Variants in CEP68 observed in about 807,000 individuals in gnomAD.
CEP68 encodes centrosomal protein 68.
Under a neutral mutation model 55.3 loss-of-function variants are expected in CEP68, and 26 were observed. That is an observed-to-expected ratio of 0.47 (90% CI 0.34 to 0.65). The LOEUF is 0.65. CEP68 is among the 30% of genes least tolerant of loss of function. The probability of loss-of-function intolerance (pLI) is 0.01; values close to 1 mark genes in which losing one functional copy is unlikely to be tolerated. For synonymous variants in CEP68, 402 were observed against 383.2 expected, an observed-to-expected ratio of 1.05 and a Z score of -0.57; for missense variants, 957 against 946.7, an observed-to-expected ratio of 1.01 and a Z score of -0.14.
At position 65,084,252 on chromosome 2, in the gene CEP68, T is replaced by G. The variant is rs1204114559; in HGVS notation, c.*618T>G. On this transcript the variant is annotated 3_prime_UTR_variant, in exon 7 of 7. Coordinates refer to ENST00000377990, the MANE Select transcript of CEP68 (RefSeq NM_015147.3). ...CTTCAGGGCTTACGTCTTTACTTTCTTGGCTAACCAGTTTCTTAGAAGAAA... is the reference window on the plus strand; with the variant it reads ...CTTCAGGGCTTACGTCTTTACTTTCGTGGCTAACCAGTTTCTTAGAAGAAA... 6.6e-6 allele frequency: 1 copy of G among 152,126 alleles called. No homozygotes were observed. Among genetic ancestry groups the G allele is most frequent in the Non-Finnish European group, 1.5e-5 (1 of 67,976 alleles). 9.4% of individuals were successfully genotyped at this position (152,126 alleles called of 1,614,324 possible).
At chr2:65,073,053 A>G in intron 3 of CEP68, 73 bp downstream of exon 3, 24 of 1,520,228 alleles carry the variant, frequency 1.6e-5, no homozygotes, top group Non-Finnish European at 2.2e-5. Context: ...TAACATCATA[A>G]TAAAACATGT....
At chr2:65,080,225 T>C (rs1676944706) in intron 5 of CEP68, 1 of 984,800 alleles carries the variant, frequency 1.0e-6, no homozygotes, top group Non-Finnish European at 1.2e-6. Context: ...AGTCCCACTT[T>C]GCTCTCTCAA....
chr2:65,056,568 G>GCCCGCGGCGCTGGGGGCGC (rs34446862), intron 1 of CEP68, 40 bp downstream of exon 1: 1 of 152,376 alleles, frequency 6.6e-6, no homozygotes, highest in Admixed American at 6.5e-5. Context: ...TGTCGGGGGT[G>GCCCGCGGCGCTGGGGGCGC]CCGCGGCGCT....
intron 1 of CEP68, 102 bp from the exon 2 acceptor site, chr2:65,069,290 CCTTTTTT>C: frequency 3.2e-6 from 2 of 626,268 alleles, no homozygotes; most frequent in Non-Finnish European, 5.4e-6. Flanking sequence ...CCATTTGTTT[CCTTTTTT>C]CTTTGACCAA....
intron 1 of CEP68, among the ~76,000 whole-genome samples, chr2:65,063,548 T>C (rs1676011495): frequency 6.6e-6 from 1 of 152,194 alleles, no homozygotes; most frequent in Non-Finnish European, 1.5e-5. Context: ...ACAAGCGCTA[T>C]TCACCAGTCT....
intron 4 of CEP68, among the ~76,000 whole-genome samples, chr2:65,076,662 A>G (rs1676776922): frequency 1.3e-5 from 2 of 152,210 alleles, no homozygotes; most frequent in African/African-American, 2.4e-5. Flanking sequence ...GCAGCAGCAC[A>G]TAAACCACAC....
chr2:65,078,868 G>C (rs1211182217), intron 5 of CEP68, among the ~76,000 whole-genome samples: 1 of 152,228 alleles, frequency 6.6e-6, no homozygotes, highest in Non-Finnish European at 1.5e-5. Flanking sequence ...TGTAGGATGG[G>C]TTCCCCATTT....
intron 3 of CEP68, 30 bp from the exon 4 acceptor site, chr2:65,074,243 GATCAGTAAC>G: frequency 6.2e-7 from 1 of 1,607,494 alleles, no homozygotes; most frequent in Non-Finnish European, 8.5e-7. Context: ...ATAGCTGTTC[GATCAGTAAC>G]ACCATGTGTC....
chr2:65,071,051 T>C (rs1676436091), intron 2 of CEP68: 1 of 217,940 alleles, frequency 4.6e-6, no homozygotes, highest in Non-Finnish European at 9.2e-6. Flanking sequence ...CAGGATGGGG[T>C]CTGGGGCGAC....
At chr2:65,083,485 A>G (rs529743116) in intron 6 of CEP68, among the ~76,000 whole-genome samples, 154 bp from the exon 7 acceptor site, 2 of 152,398 alleles carry the variant, frequency 1.3e-5, no homozygotes, top group East Asian at 1.9e-4. Flanking sequence ...CTAGGTGAGC[A>G]CTATAGGTAT....
intron 3 of CEP68, chr2:65,073,895 A>G (rs1318188404): frequency 5.1e-6 from 1 of 196,550 alleles, no homozygotes; most frequent in Non-Finnish European, 1.1e-5. Flanking sequence ...GCTTCAGGTT[A>G]GTCATGATTT....
chr2:65,065,143 C>T lies in CEP68; in HGVS notation c.-46-4256C>T, dbSNP rs1676103775. 2.0e-5 allele frequency among the ~76,000 whole-genome samples: 3 copies of T among 152,236 alleles called. No homozygotes were observed. The South Asian group carries it at 6.2e-4, about 32-fold the overall frequency. On this transcript the variant is annotated intron_variant, in intron 1 of 6. Transcript: ENST00000377990. Reference sequence around the variant, plus strand: ...AGACCCTGGCTCCCGTGGGAACTGGCCCTCACATGTGCTGGTGGAGTGTAG... The same window carrying T: ...AGACCCTGGCTCCCGTGGGAACTGGTCCTCACATGTGCTGGTGGAGTGTAG...
chr2:65,071,794 C>A lies in CEP68; in HGVS notation c.698C>A (p.Pro233His). 6.2e-7 allele frequency: 1 copy of A among 1,609,736 alleles called. No homozygotes were observed. Among genetic ancestry groups the A allele is most frequent in the Non-Finnish European group, 8.5e-7 (1 of 1,177,132 alleles). The change falls in exon 3 of 7, where the codon CCC becomes CAC. Residue 233 changes from proline (P) to histidine (H), a missense_variant. By Grantham distance (77) the Pro-to-His change is moderately conservative. Coordinates refer to ENST00000377990, the MANE Select transcript of CEP68 (RefSeq NM_015147.3). ...TCCTCCTCCCTGGAGCCGGTCGTCC[C>A]CCAGGAACCTTCCTCTGTGGTGGGG... The part of the protein sequence containing the change: ...KVSSSLEPVV[P>H]QEPSSVVGLG...
At chr2:65,065,329 A>G (rs1676113934) in intron 1 of CEP68, among the ~76,000 whole-genome samples, 1 of 152,248 alleles carries the variant, frequency 6.6e-6, no homozygotes, top group Non-Finnish European at 1.5e-5. Context: ...AAGACTAGAA[A>G]TAACCCAAAT....
chr2:65,063,349 T>C (rs1676002366), intron 1 of CEP68, among the ~76,000 whole-genome samples: 1 of 152,250 alleles, frequency 6.6e-6, no homozygotes, highest in South Asian at 2.1e-4. Context: ...GTCTGTGCTC[T>C]GATGTCTCCT....
intron 2 of CEP68, 97 bp downstream of exon 2, chr2:65,069,898 T>G: frequency 9.0e-7 from 1 of 1,110,714 alleles, no homozygotes; most frequent in East Asian, 2.4e-5. Context: ...CTTGCTACTG[T>G]GCAGGGTGAG....
At chr2:65,070,257 A>G (rs1292277185) in intron 2 of CEP68, among the ~76,000 whole-genome samples, 1 of 152,186 alleles carries the variant, frequency 6.6e-6, no homozygotes, top group Non-Finnish European at 1.5e-5. Context: ...GGAGCCCTGT[A>G]GTAGGCAGCA....
chr2:65,069,832 C>A, intron 2 of CEP68, 31 bp downstream of exon 2: 1 of 1,550,002 alleles, frequency 6.5e-7, no homozygotes. Context: ...GTAGATGGAC[C>A]CATTGCTGTC....
intron 1 of CEP68, among the ~76,000 whole-genome samples, chr2:65,060,966 C>T (rs1361795184): frequency 6.6e-6 from 1 of 152,176 alleles, no homozygotes; most frequent in Admixed American, 6.5e-5. Flanking sequence ...CACATAAGGT[C>T]AGGAGTTCGA....
Sources: gnomAD v4.1 joint callset for allele counts (sites outside exome capture counted in the v4.1 genomes callset) on GRCh38, gnomAD v4.1.1 for gene constraint, MANE v1.5 for transcripts, NCBI Gene and HGNC (gene_info 2026-07-23, HGNC 2026-07-21) for gene names.